The following EYS variants were observed in gnomAD, a reference collection of about 807,000 sequenced individuals.
EYS encodes the protein EGF-like photoreceptor maintenance factor.
Under a neutral mutation model 282.1 loss-of-function variants are expected in EYS, and 250 were observed. The ratio of observed to expected loss-of-function variants is 0.89; its 90% CI spans 0.80 to 0.98. EYS has a LOEUF of 0.98. Ranked by LOEUF, EYS falls within the 50% of genes least tolerant of loss-of-function variation. The pLI is 0.00. For missense variants in EYS, 4,016 were observed against 3,709.0 expected (o/e 1.08, Z -2.15); for synonymous variants, 1,355 against 1,282.9 (o/e 1.06, Z -1.20).
At chr6:63,892,083 C>T (rs1048831584) in intron 35 of EYS, among the ~76,000 whole-genome samples, 13 of 152,054 alleles carry the variant, frequency 8.5e-5, no homozygotes, top group Non-Finnish European at 1.3e-4. Context: ...TAAGAGAGGA[C>T]GCAAACAAAT....
At chr6:64,570,526 G>C (rs1765691832) in intron 26 of EYS, among the ~76,000 whole-genome samples, 1 of 152,102 alleles carries the variant, frequency 6.6e-6, no homozygotes, top group African/African-American at 2.4e-5. Flanking sequence ...AGACCCATGG[G>C]TGTGCGGTAT....
chr6:63,801,308 GGAGAGATCTTGTGT>G (rs1440918927), intron 37 of EYS, among the ~76,000 whole-genome samples: 1 of 152,166 alleles, frequency 6.6e-6, no homozygotes, highest in East Asian at 1.9e-4. Context: ...AAAGTAAAAT[GGAGAGATCTTGTGT>G]TTCATAGAAC....
At chr6:63,784,159 C>G (rs1770306963) in intron 39 of EYS, among the ~76,000 whole-genome samples, 1 of 152,170 alleles carries the variant, frequency 6.6e-6, no homozygotes, top group Non-Finnish European at 1.5e-5. Context: ...GTTTCAGACT[C>G]AGGCTGGAGC....
chr6:64,519,100 G>A (rs1394963347), intron 26 of EYS, among the ~76,000 whole-genome samples: 1 of 151,810 alleles, frequency 6.6e-6, no homozygotes, highest in African/African-American at 2.4e-5. Context: ...AGGTTGCTGT[G>A]GAAGAGGCTA....
intron 19 of EYS, among the ~76,000 whole-genome samples, chr6:64,825,970 C>A (rs1273330602): frequency 6.6e-6 from 1 of 151,746 alleles, no homozygotes; most frequent in East Asian, 1.9e-4. Flanking sequence ...TGTTTATCTT[C>A]ATAGGATAAC....
At chr6:64,619,343 G>T (rs535070716) in intron 23 of EYS, among the ~76,000 whole-genome samples, 2 of 152,230 alleles carry the variant, frequency 1.3e-5, no homozygotes, top group African/African-American at 4.8e-5. Context: ...AAATTGCACT[G>T]GGCCAGTTAT....
At chr6:65,666,010 A>G (rs1430837207) in intron 1 of EYS, among the ~76,000 whole-genome samples, 1 of 151,914 alleles carries the variant, frequency 6.6e-6, no homozygotes, top group Non-Finnish European at 1.5e-5. Context: ...ATTTGTCAGT[A>G]CATAGAACTT....
rs16895314 is a variant in EYS at position 64,496,331 on chromosome 6, A to G, written c.5645-56979T>C. Among the ~76,000 whole-genome samples, 92 of 151,576 alleles carry G rather than the reference A, an allele frequency of 6.1e-4. 1 individual carries two copies. The East Asian group carries it at 0.014, about 24-fold the overall frequency. On this transcript the variant is annotated intron_variant, in intron 26 of 42. Transcript: ENST00000503581. ...ATTATAGTTTAGTGATGAAAAATCC[A>G]ACAAAACTACCATGTTTCTCTTGAC...
At chr6:64,522,623 G>A (rs182032453) in intron 26 of EYS, among the ~76,000 whole-genome samples, 1 of 151,708 alleles carries the variant, frequency 6.6e-6, no homozygotes, top group African/African-American at 2.4e-5. Flanking sequence ...GAATCCGGGG[G>A]CAAGACTGAG....
intron 12 of EYS, among the ~76,000 whole-genome samples, chr6:65,175,852 T>G (rs1159747841): frequency 6.6e-6 from 1 of 151,626 alleles, no homozygotes; most frequent in African/African-American, 2.4e-5. Flanking sequence ...ACTTACTAAT[T>G]TACACACAAG....
rs1561913827 is a variant in EYS, at chr6:64,296,588, A to T, written c.6191+10382T>A. ...TATATATATATATATATATATACAT[A>T]TATATATATATTTTTTTTTTTTTTT... On this transcript the variant is annotated intron_variant, in intron 30 of 42. Coordinates refer to ENST00000503581, the MANE Select transcript of EYS (RefSeq NM_001142800.2). 3.1e-3 allele frequency among the ~76,000 whole-genome samples: 11 copies of T among 3,510 alleles called. 1 individual carries two copies. The highest frequency in any genetic ancestry group is 0.012 in the African/African-American group (11 of 898). The allele number at this position is 3,510 out of a possible 152,430, so 2.3% of individuals were successfully genotyped here. A position where few individuals can be genotyped will look rare whatever the true frequency, so the allele number is the denominator to read the frequency against.
intron 27 of EYS, among the ~76,000 whole-genome samples, chr6:64,436,608 C>A (rs1240404227): frequency 6.6e-6 from 1 of 151,768 alleles, no homozygotes; most frequent in Non-Finnish European, 1.5e-5. Context: ...TACATAACAG[C>A]AATTGAGCAA....
intron 21 of EYS, among the ~76,000 whole-genome samples, chr6:64,814,087 T>G (rs1764678641): frequency 6.6e-6 from 1 of 152,052 alleles, no homozygotes; most frequent in South Asian, 2.1e-4. Context: ...CTAAAACATC[T>G]GTAATAGCTG....
At chr6:65,538,535 C>T (rs986451521) in intron 2 of EYS, among the ~76,000 whole-genome samples, 6 of 152,188 alleles carry the variant, frequency 3.9e-5, no homozygotes, top group African/African-American at 1.4e-4. Context: ...TCCAGGTTCA[C>T]CTTCCTAACA....
intron 32 of EYS, among the ~76,000 whole-genome samples, chr6:64,066,776 A>T (rs1007706152): frequency 1.3e-5 from 2 of 152,128 alleles, no homozygotes; most frequent in Non-Finnish European, 2.9e-5. Flanking sequence ...CTGTTTCCCC[A>T]TATGTTAAAA....
At chr6:63,751,029 A>T (rs747385853) in intron 41 of EYS, among the ~76,000 whole-genome samples, 1 of 152,124 alleles carries the variant, frequency 6.6e-6, no homozygotes, top group Non-Finnish European at 1.5e-5. Flanking sequence ...TTATTTCAGC[A>T]CATCTATTTA....
chr6:64,626,281 T>C, intron 22 of EYS, 36 bp from the exon 23 acceptor site: 1 of 1,514,078 alleles, frequency 6.6e-7, no homozygotes, highest in Non-Finnish European at 8.8e-7. Context: ...TTTGTATATA[T>C]TATACACATG....
chr6:63,820,624 A>G (rs893649369), intron 36 of EYS, among the ~76,000 whole-genome samples: 3 of 152,192 alleles, frequency 2.0e-5, no homozygotes, highest in African/African-American at 7.2e-5. Context: ...TTAATACATA[A>G]TATAAAAGAA....
In EYS at chr6:63,984,731, G is replaced by T. The variant is rs184331930; in HGVS notation, c.6835-128C>A. On this transcript the variant is annotated intron_variant, in intron 34 of 42. Coordinates refer to ENST00000503581, the MANE Select transcript of EYS (RefSeq NM_001142800.2). Reference sequence around the variant, plus strand: ...TTTCTGTGTAAAAGAGGTTGCTATTGTTGGCTAGTTTTGTCACTTCTACTA... The same window carrying T: ...TTTCTGTGTAAAAGAGGTTGCTATTTTTGGCTAGTTTTGTCACTTCTACTA... 5.1e-4 allele frequency: 387 copies of T among 756,586 alleles called. 1 individual carries two copies. The highest frequency in any genetic ancestry group is 2.6e-3 in the Middle Eastern group (7 of 2,666). 46.9% of individuals were successfully genotyped at this position (756,586 alleles called of 1,614,324 possible).
Sources: gnomAD v4.1 joint callset for allele counts (sites outside exome capture counted in the v4.1 genomes callset) on GRCh38, gnomAD v4.1.1 for gene constraint, MANE v1.5 for transcripts, NCBI Gene and HGNC (gene_info 2026-07-23, HGNC 2026-07-21) for gene names.